TULP4: variants seen among roughly 807,000 people sequenced by gnomAD.
TULP4 encodes the protein tubby-related protein 4.
Under a neutral mutation model 129.0 loss-of-function variants are expected in TULP4, and 16 were observed. The observed-to-expected ratio is 0.12, with a 90% CI of 0.08 to 0.19. TULP4 has a LOEUF of 0.19. TULP4 is among the 10% of genes least tolerant of loss of function. The pLI, the probability that TULP4 is intolerant of heterozygous loss-of-function variation, is 1.00. For synonymous variants in TULP4, 998 were observed against 854.0 expected, an observed-to-expected ratio of 1.17 and a Z score of -2.94; for missense variants, 1,842 against 2,059.1, an observed-to-expected ratio of 0.89 and a Z score of 2.04.
chr6:158,317,394 C>A (rs1273858229), intron 1 of TULP4, among the ~76,000 whole-genome samples: 7 of 150,598 alleles, frequency 4.6e-5, no homozygotes, highest in Non-Finnish European at 1.5e-5. Flanking sequence ...TCAGTTCCCA[C>A]CTATGAGTGA....
chr6:158,268,038 T>TC (rs1778482292), intron 1 of TULP4, among the ~76,000 whole-genome samples: 1 of 145,884 alleles, frequency 6.9e-6, no homozygotes, highest in Non-Finnish European at 1.5e-5. Context: ...CTTTTTTCTT[T>TC]TTTTTTTTTT....
chr6:158,298,749 G>T (rs1779082633), intron 1 of TULP4, among the ~76,000 whole-genome samples: 1 of 151,830 alleles, frequency 6.6e-6, no homozygotes, highest in African/African-American at 2.4e-5. Context: ...GAGTAGTCAG[G>T]TTGGCGGTAA....
intron 5 of TULP4, among the ~76,000 whole-genome samples, chr6:158,456,524 T>C (rs909321782): frequency 1.3e-5 from 2 of 152,156 alleles, no homozygotes; most frequent in Non-Finnish European, 2.9e-5. Flanking sequence ...TCTAAGGCCT[T>C]CCAGTTGTCT....
At chr6:158,393,598 T>C (rs1327080474) in intron 1 of TULP4, among the ~76,000 whole-genome samples, 2 of 152,210 alleles carry the variant, frequency 1.3e-5, no homozygotes, top group Admixed American at 6.5e-5. Context: ...CAACATCATA[T>C]AGAAGCTACT....
Position 158,509,257 on chromosome 6 carries a change from A to G in TULP4, c.*2563A>G, listed in dbSNP as rs1181464332. On this transcript the variant is annotated 3_prime_UTR_variant, in exon 14 of 14. Coordinates refer to ENST00000367097, the MANE Select transcript of TULP4 (RefSeq NM_020245.5). ...GGGAAAAAATTCCTATTAATCACTT[A>G]AAAATTTTTTTTTGTATTTTGTGTT... 4.0e-5 allele frequency: 6 copies of G among 151,304 alleles called. No individual in the cohort carries two copies. The highest frequency in any genetic ancestry group is 8.8e-5 in the Non-Finnish European group (6 of 67,930). 9.4% of individuals were successfully genotyped at this position (151,304 alleles called of 1,614,324 possible). A position where few individuals can be genotyped will look rare whatever the true frequency, so the allele number is the denominator to read the frequency against.
At chr6:158,364,282 G>A (rs1189792417) in intron 1 of TULP4, among the ~76,000 whole-genome samples, 2 of 152,198 alleles carry the variant, frequency 1.3e-5, no homozygotes, top group African/African-American at 4.8e-5. Context: ...TTAGTTTAGA[G>A]GAAAGAGTAC....
chr6:158,473,650 C>T (rs899952106), intron 6 of TULP4, among the ~76,000 whole-genome samples: 1 of 152,176 alleles, frequency 6.6e-6, no homozygotes, highest in African/African-American at 2.4e-5. Context: ...TCCCGAGTAG[C>T]TGGGACTACA....
chr6:158,377,290 C>A (rs1777214828), intron 1 of TULP4, among the ~76,000 whole-genome samples: 1 of 152,184 alleles, frequency 6.6e-6, no homozygotes, highest in Admixed American at 6.5e-5. Context: ...TGAGTGATAA[C>A]ACCCACCACA....
At chr6:158,272,166 T>C (rs1271622324) in intron 1 of TULP4, among the ~76,000 whole-genome samples, 1 of 152,146 alleles carries the variant, frequency 6.6e-6, no homozygotes, top group Admixed American at 6.5e-5. Flanking sequence ...TAGGTTTTAA[T>C]TCAAGGTGCC....
chr6:158,447,511 T>C (rs1291233071), intron 3 of TULP4, among the ~76,000 whole-genome samples: 1 of 152,240 alleles, frequency 6.6e-6, no homozygotes, highest in Non-Finnish European at 1.5e-5. Context: ...CTGTGAACTT[T>C]CTGCAGGCAG....
chr6:158,491,448 T>TTGAGGAGTCTCGC (rs1562589201), intron 9 of TULP4, among the ~76,000 whole-genome samples: 2 of 59,824 alleles, frequency 3.3e-5, no homozygotes, highest in Non-Finnish European at 6.3e-5. Context: ...TTTCTTTTCT[T>TTGAGGAGTCTCGC]TCTTTCTTTT....
chr6:158,499,661 T>C (rs1780401936), intron 12 of TULP4, among the ~76,000 whole-genome samples: 1 of 152,172 alleles, frequency 6.6e-6, no homozygotes, highest in South Asian at 2.1e-4. Context: ...GTCTCTTGTT[T>C]CTGAGCTAGA....
At chr6:158,307,728 G>T (rs957581219), upstream of TULP4, among the ~76,000 whole-genome samples, 2 of 152,042 alleles carry the variant, frequency 1.3e-5, no homozygotes, top group Admixed American at 1.3e-4. Flanking sequence ...GGTGACCCCC[G>T]CCTTGGCCTC....
chr6:158,437,446 A>G (rs117003770), intron 3 of TULP4, among the ~76,000 whole-genome samples: 2,018 of 152,284 alleles, frequency 0.013, 23 homozygotes, highest in Middle Eastern at 0.02. Context: ...CAGTGGTCCC[A>G]GCTACTCAGG....
chr6:158,238,439 A>AT (rs1777767511), intron 1 of TULP4: 5 of 425,934 alleles, frequency 1.2e-5, no homozygotes, highest in East Asian at 7.1e-5. Flanking sequence ...TTTTAAATTT[A>AT]TTTTTTTATT....
chr6:158,275,920 T>C (rs1778638408), intron 1 of TULP4, among the ~76,000 whole-genome samples: 1 of 152,110 alleles, frequency 6.6e-6, no homozygotes, highest in South Asian at 2.1e-4. Context: ...AGTTCAGATA[T>C]ACTTTCTAAA....
intron 1 of TULP4, among the ~76,000 whole-genome samples, chr6:158,252,730 A>G (rs1270324499): frequency 1.3e-5 from 2 of 152,210 alleles, no homozygotes; most frequent in African/African-American, 2.4e-5. Flanking sequence ...TTGGTACATT[A>G]TTATTAATTG....
chr6:158,241,113 G>A (rs1428837471), intron 1 of TULP4, among the ~76,000 whole-genome samples: 2 of 138,576 alleles, frequency 1.4e-5, no homozygotes, highest in Non-Finnish European at 3.2e-5. Flanking sequence ...CAGAGGGGGC[G>A]GCGGGGCAGA....
chr6:158,502,534 C>A lies in TULP4; in HGVS notation c.2871C>A (p.Asp957Glu). Residue 957 changes from aspartate to glutamate, a missense_variant, in exon 13 of 14, where the codon GAC becomes GAA. Asp to Glu is a conservative substitution (Grantham distance 45). This residue lies in a region of TULP4 where 1,089 missense variants were observed against 987.1 expected (regional missense o/e 1.10). Transcript: ENST00000367097. ...TVPRYSIPTG[D>E]PPPYPEIASQ... ...CTCGCTACTCCATCCCCACCGGGGACCCACCCCCGTATCCTGAAATTGCCA... is the reference window on the plus strand; with the variant it reads ...CTCGCTACTCCATCCCCACCGGGGAACCACCCCCGTATCCTGAAATTGCCA... 1.2e-6 allele frequency: 2 copies of A among 1,610,462 alleles called. No homozygotes were observed. Among genetic ancestry groups the A allele is most frequent in the Non-Finnish European group, 8.5e-7 (1 of 1,179,896 alleles).
Sources: allele counts gnomAD v4.1 joint callset (sites outside exome capture counted in the v4.1 genomes callset), GRCh38; gene constraint gnomAD v4.1.1; regional missense constraint gnomAD v4.1.1; transcripts MANE v1.5; gene names NCBI Gene and HGNC (gene_info 2026-07-23, HGNC 2026-07-21).